Variants in BACH2 observed in about 807,000 individuals in gnomAD.
The protein encoded by BACH2 is BACH transcriptional regulator 2, also known as transcription regulator protein BACH2.
In BACH2, 5 loss-of-function variants were observed where a neutral mutation model predicts 61.8. The observed-to-expected ratio is 0.08, with a 90% CI of 0.04 to 0.17. The LOEUF (loss-of-function observed/expected upper bound fraction) is 0.17, where lower values mean the gene tolerates loss of function less well. Among genes scored for constraint, BACH2 ranks in the 10% least tolerant of loss-of-function variants. The pLI is 1.00. For synonymous variants in BACH2, 446 were observed against 440.1 expected (o/e 1.01, Z -0.17); for missense variants, 824 against 1,091.1 (o/e 0.76, Z 3.45).
At chr6:90,276,802 C>T (rs1771708398) in intron 1 of BACH2, among the ~76,000 whole-genome samples, 2 of 152,096 alleles carry the variant, frequency 1.3e-5, no homozygotes, top group Admixed American at 1.3e-4. Flanking sequence ...ACCAATCACA[C>T]CTTAGTTTTC....
intron 6 of BACH2, among the ~76,000 whole-genome samples, chr6:89,981,305 TTTTC>T (rs1775941556): frequency 6.7e-6 from 1 of 149,786 alleles, no homozygotes; most frequent in Admixed American, 6.8e-5. Context: ...CTAATTTTTT[TTTTC>T]TTTTTGTATT....
intron 4 of BACH2, among the ~76,000 whole-genome samples, chr6:90,127,272 G>A (rs943864523): frequency 8.1e-6 from 1 of 123,216 alleles, no homozygotes; most frequent in Non-Finnish European, 1.6e-5. Context: ...AGGATTTCCC[G>A]CTCCGCTCCG....
intron 6 of BACH2, among the ~76,000 whole-genome samples, chr6:89,980,293 C>CAA (rs55688725): frequency 1.4e-5 from 2 of 139,064 alleles, no homozygotes; most frequent in Admixed American, 7.1e-5. Flanking sequence ...GACTCTGTCT[C>CAA]AAAAAAAAAA....
intron 4 of BACH2, among the ~76,000 whole-genome samples, chr6:90,103,138 G>C (rs1429115378): frequency 6.8e-6 from 1 of 147,302 alleles, no homozygotes; most frequent in Non-Finnish European, 1.5e-5. Context: ...ATGAGTCACT[G>C]ATTTGAGCAT....
chr6:90,065,299 T>TTTTTTTTTTTTTTTTTTTTA (rs1491173989), intron 5 of BACH2, among the ~76,000 whole-genome samples: 1 of 92,114 alleles, frequency 1.1e-5, no homozygotes, highest in Non-Finnish European at 2.6e-5. Context: ...TTTTTTTTTT[T>TTTTTTTTTTTTTTTTTTTTA]ACCCCTGAGG....
intron 4 of BACH2, among the ~76,000 whole-genome samples, chr6:90,141,054 T>G (rs968980490): frequency 3.3e-5 from 5 of 152,200 alleles, no homozygotes; most frequent in African/African-American, 7.2e-5. Context: ...CAAATTCTAG[T>G]GCAGCCATTA....
intron 3 of BACH2, among the ~76,000 whole-genome samples, chr6:90,236,943 T>A (rs1190729124): frequency 1.3e-5 from 2 of 152,238 alleles, no homozygotes; most frequent in South Asian, 2.1e-4. Context: ...ATTTTTTTTT[T>A]GAGAGAGTCT....
At chr6:90,076,108 T>C (rs1036900209) in intron 5 of BACH2, among the ~76,000 whole-genome samples, 2 of 152,200 alleles carry the variant, frequency 1.3e-5, no homozygotes, top group African/African-American at 2.4e-5. Flanking sequence ...TTTGTTAACT[T>C]TGAGTTCTTT....
intron 5 of BACH2, among the ~76,000 whole-genome samples, chr6:90,012,793 G>C (rs893512892): frequency 5.3e-5 from 8 of 151,930 alleles, no homozygotes; most frequent in Non-Finnish European, 7.4e-5. Context: ...AGCCTCCGGA[G>C]TAGCTGGAAT....
At chr6:90,010,065 C>A (rs1349497253) in intron 5 of BACH2, among the ~76,000 whole-genome samples, 9 of 152,150 alleles carry the variant, frequency 5.9e-5, no homozygotes, top group Non-Finnish European at 2.9e-5. Flanking sequence ...AGTAGCGAGT[C>A]CTACTTTCTT....
chr6:90,008,698 C>T lies in BACH2; in HGVS notation c.147G>A (p.Arg49=). Residue 49 remains arginine, a synonymous_variant, in exon 6 of 9, where the codon CGG becomes CGA. Coordinates refer to ENST00000257749, the MANE Select transcript of BACH2 (RefSeq NM_021813.4). The surrounding 1 kb of genome is among the most constrained non-coding windows in gnomAD (Gnocchi z 4.1). ...ATGCGGCCAGCACAGCCCGGTGGGCCCGGAACTCCTTCCTCTCCACGATCA... is the reference window on the plus strand; with the variant it reads ...ATGCGGCCAGCACAGCCCGGTGGGCTCGGAACTCCTTCCTCTCCACGATCA... ...VTLIVERKEF[R]AHRAVLAACS... The T allele has an allele frequency of 6.2e-7, 1 of 1,614,142 alleles. No individual in the cohort carries two copies. Among genetic ancestry groups the T allele is most frequent in the Non-Finnish European group, 8.5e-7 (1 of 1,180,034 alleles).
rs191097121 is a variant in BACH2, at chr6:90,212,791, T to C, written c.-274-6110A>G. The stretch of plus-strand genomic sequence containing the variant: ...TATAAATTATAAAAGAGAGACACAT[T>C]GTTGGTAACACACGCACACAAATAG... On this transcript the variant is annotated intron_variant, in intron 3 of 8. Coordinates refer to ENST00000257749, the MANE Select transcript of BACH2 (RefSeq NM_021813.4). Among the ~76,000 whole-genome samples the C allele has an allele frequency of 3.9e-5, 6 of 152,246 alleles. No homozygotes were observed. In the East Asian group the frequency reaches 1.2e-3, roughly 29 times the overall value.
At chr6:89,970,210 C>T (rs1413209685) in intron 6 of BACH2, among the ~76,000 whole-genome samples, 5 of 152,236 alleles carry the variant, frequency 3.3e-5, no homozygotes, top group East Asian at 3.9e-4. Context: ...AGGCCACCCT[C>T]GTGAGGAGTA....
intron 5 of BACH2, among the ~76,000 whole-genome samples, chr6:90,028,318 G>C (rs1389026122): frequency 6.6e-6 from 1 of 152,226 alleles, no homozygotes; most frequent in Admixed American, 6.5e-5. Flanking sequence ...GAAGGCATCT[G>C]GCAGATGGGG....
At position 90,062,444 on chromosome 6, in the gene BACH2, C is replaced by T. The variant is rs182397887; in HGVS notation, c.-13+26517G>A. Among the ~76,000 whole-genome samples the T allele has an allele frequency of 6.6e-5, 10 of 152,238 alleles. 1 individual carries two copies. The highest frequency in any genetic ancestry group is 5.2e-4 in the Admixed American group (8 of 15,290). The stretch of plus-strand genomic sequence containing the variant: ...TCTTAGAGGACTTCTAGTTTGGTCT[C>T]GTATCCACTTTAGGCAACTGAATCC... On this transcript the variant is annotated intron_variant, in intron 5 of 8. Coordinates refer to ENST00000257749, the MANE Select transcript of BACH2 (RefSeq NM_021813.4).
At position 89,987,663 on chromosome 6, in the gene BACH2, T is replaced by G. The variant is rs148363860; in HGVS notation, c.243+20939A>C. On this transcript the variant is annotated intron_variant, in intron 6 of 8. Transcript: ENST00000257749. The stretch of plus-strand genomic sequence containing the variant: ...GAACTTGCTAGTAGTCACGGTTGTA[T>G]AAAATGGAGGAAGGAGCTCTCTTCA... Among the ~76,000 whole-genome samples the G allele has an allele frequency of 9.6e-3, 1,461 of 152,252 alleles. 13 individuals are homozygous for G. Among genetic ancestry groups the G allele is most frequent in the East Asian group, 0.027 (142 of 5,174 alleles).
intron 5 of BACH2, among the ~76,000 whole-genome samples, chr6:90,015,136 C>T (rs9451316): frequency 0.41 from 62,503 of 151,910 alleles, 13,898 homozygotes; most frequent in African/African-American, 0.59. Context: ...TGTACTGATG[C>T]CACCTCTCAT....
In BACH2 at chr6:90,065,270, C is replaced by CTTTT. The variant is rs71027920; in HGVS notation, c.-13+23687_-13+23690dup. Among the ~76,000 whole-genome samples the CTTTT allele has an allele frequency of 4.2e-3, 223 of 52,656 alleles. 23 individuals are homozygous for CTTTT. Among genetic ancestry groups the CTTTT allele is most frequent in the East Asian group, 0.011 (16 of 1,450 alleles). The allele number at this position is 52,656 out of a possible 152,430, so 34.5% of individuals were successfully genotyped here. On this transcript the variant is annotated intron_variant, in intron 5 of 8. Transcript: ENST00000257749. ...GCCACCCCACCCCCTGCCGCCCCCA[C>CTTTT]TTTTTTTTTTTTTTTTTTTTTTTTT... is the stretch of plus-strand genomic sequence containing the variant.
At position 89,927,220 on chromosome 6, in the gene BACH2, T is replaced by A. The variant is rs3798791; in HGVS notation, c.*5188A>T. The A allele has an allele frequency of 0.03, 4,585 of 152,868 alleles. 340 individuals carry two copies. The highest frequency in any genetic ancestry group is 0.24 in the East Asian group (1,259 of 5,314). 9.5% of individuals were successfully genotyped at this position (152,868 alleles called of 1,614,324 possible). A position where few individuals can be genotyped will look rare whatever the true frequency, so the allele number is the denominator to read the frequency against. On this transcript the variant is annotated 3_prime_UTR_variant, in exon 9 of 9. Transcript: ENST00000257749. Reference sequence around the variant, plus strand: ...AGCACCTGAAGCTCCCAAATGCATATGGAATCTTCCTGATCACTCACTAGA... The same window carrying A: ...AGCACCTGAAGCTCCCAAATGCATAAGGAATCTTCCTGATCACTCACTAGA...
Sources: allele counts gnomAD v4.1 joint callset (sites outside exome capture counted in the v4.1 genomes callset), GRCh38; gene constraint gnomAD v4.1.1; non-coding constraint Gnocchi (gnomAD v3.1); transcripts MANE v1.5; gene names NCBI Gene and HGNC (gene_info 2026-07-23, HGNC 2026-07-21).